Variants in SASH1 observed in about 807,000 individuals in gnomAD.
The protein encoded by SASH1 is SAM and SH3 domain-containing protein 1.
In SASH1, 44 loss-of-function variants were observed where a neutral mutation model predicts 125.2. That is an observed-to-expected ratio of 0.35 (90% confidence interval 0.28 to 0.45). The LOEUF (loss-of-function observed/expected upper bound fraction) is 0.45, where lower values mean the gene tolerates loss of function less well. SASH1 is among the 20% of genes least tolerant of loss of function. SASH1 has a pLI of 1.00. For missense variants in SASH1, 1,426 were observed against 1,614.5 expected (o/e 0.88, Z 2.00); for synonymous variants, 639 against 649.1 (o/e 0.98, Z 0.24).
intron 4 of SASH1, among the ~76,000 whole-genome samples, chr6:148,468,044 C>T (rs983966035): frequency 6.6e-6 from 1 of 152,228 alleles, no homozygotes; most frequent in Non-Finnish European, 1.5e-5. Flanking sequence ...TGTGTACTGG[C>T]CGCCCCCTTT....
intron 1 of SASH1, among the ~76,000 whole-genome samples, chr6:148,308,266 T>C (rs1478293373): frequency 6.9e-6 from 1 of 143,996 alleles, no homozygotes; most frequent in Non-Finnish European, 1.5e-5. Flanking sequence ...TAAAAAGATA[T>C]TAAATCCGCC....
intron 1 of SASH1, among the ~76,000 whole-genome samples, chr6:148,308,881 C>T (rs1446390087): frequency 4.7e-5 from 7 of 150,520 alleles, no homozygotes; most frequent in Admixed American, 1.3e-4. Context: ...GTCAGGAGTT[C>T]GAGACCAGCC....
intron 1 of SASH1, among the ~76,000 whole-genome samples, chr6:148,285,382 T>G (rs1779455578): frequency 6.6e-6 from 1 of 152,198 alleles, no homozygotes; most frequent in African/African-American, 2.4e-5. Context: ...TGGCGTGTGT[T>G]AATCGAGATA....
the SASH1 span, among the ~76,000 whole-genome samples, chr6:148,229,674 A>G: frequency 6.6e-6 from 1 of 150,990 alleles, no homozygotes; most frequent in Non-Finnish European, 1.5e-5. Flanking sequence ...CTTCTCATAT[A>G]TTCACAAAGT....
At chr6:148,467,451 A>C (rs1237337214) in intron 4 of SASH1, among the ~76,000 whole-genome samples, 1 of 152,038 alleles carries the variant, frequency 6.6e-6, no homozygotes, top group Non-Finnish European at 1.5e-5. Context: ...TGCTTAATGA[A>C]CTGGTTTTGG....
chr6:148,348,922 C>T (rs1190565288), intron 1 of SASH1, among the ~76,000 whole-genome samples: 4 of 152,358 alleles, frequency 2.6e-5, no homozygotes, highest in South Asian at 2.1e-4. Context: ...GCCCCGAAGG[C>T]GGTAGGATCC....
chr6:148,477,688 G>A (rs977413570), intron 7 of SASH1, among the ~76,000 whole-genome samples: 5 of 140,036 alleles, frequency 3.6e-5, no homozygotes, highest in Non-Finnish European at 7.6e-5. Context: ...ACCACACCTG[G>A]CTAATTTTTT....
At chr6:148,289,509 G>GA (rs1221840224) in intron 1 of SASH1, among the ~76,000 whole-genome samples, 4 of 152,206 alleles carry the variant, frequency 2.6e-5, no homozygotes, top group African/African-American at 9.6e-5. Flanking sequence ...CGCATCTCTG[G>GA]TGGATTTGTC....
rs140943761 is a variant in SASH1 at position 148,476,110 on chromosome 6, T to C, written c.627+1888T>C. On this transcript the variant is annotated intron_variant, in intron 7 of 19. Transcript: ENST00000367467. The stretch of plus-strand genomic sequence containing the variant: ...AGTTGCAGGCTACAAAATCAACACA[T>C]ACATTTCTGTGTATGTGTTCAGCAA... Among the ~76,000 whole-genome samples the C allele has an allele frequency of 1.9e-3, 288 of 152,074 alleles. 3 individuals are homozygous for C. Among genetic ancestry groups the C allele is most frequent in the African/African-American group, 6.6e-3 (273 of 41,504 alleles).
chr6:148,373,113 C>G (rs1782761593), intron 1 of SASH1, among the ~76,000 whole-genome samples: 1 of 152,022 alleles, frequency 6.6e-6, no homozygotes, highest in Non-Finnish European at 1.5e-5. Context: ...ATTGCTTGAA[C>G]CTGGGAGGCA....
At chr6:148,370,402 A>G (rs780054168) in intron 1 of SASH1, among the ~76,000 whole-genome samples, 4 of 152,208 alleles carry the variant, frequency 2.6e-5, no homozygotes, top group Non-Finnish European at 4.4e-5. Context: ...AGTCATCCCT[A>G]TGTTAACACA....
intron 9 of SASH1, among the ~76,000 whole-genome samples, chr6:148,515,704 C>A (rs1380558817): frequency 1.3e-5 from 2 of 152,172 alleles, no homozygotes; most frequent in South Asian, 4.1e-4. Context: ...GCCCGCCAGT[C>A]GTGAATTCCA....
Position 148,370,089 on chromosome 6 carries a change from C to T in SASH1, c.157-20045C>T, listed in dbSNP as rs567806883. On this transcript the variant is annotated intron_variant, in intron 1 of 19. Transcript: ENST00000367467. ...TTTGTTAATAACAAATAGCATTTTT[C>T]TCTTTTGTAAGTGGAAGGCAGAGGT... Among the ~76,000 whole-genome samples, 27 of 148,554 alleles carry T rather than the reference C, an allele frequency of 1.8e-4. No individual in the cohort carries two copies. The South Asian group carries it at 5.8e-3, about 32-fold the overall frequency.
At chr6:148,429,385 T>TAAAAAAAAA (rs61460366) in intron 2 of SASH1, among the ~76,000 whole-genome samples, 27 of 73,944 alleles carry the variant, frequency 3.7e-4, no homozygotes, top group East Asian at 8.7e-4. Context: ...CCCTGTCTCT[T>TAAAAAAAAA]AAAAAAAAAA....
intron 2 of SASH1, among the ~76,000 whole-genome samples, chr6:148,433,681 C>A (rs1192082815): frequency 6.6e-6 from 1 of 151,954 alleles, no homozygotes; most frequent in African/African-American, 2.4e-5. Flanking sequence ...TGGTGAGCCA[C>A]CATGCCCGGC....
chr6:148,457,334 G>A (rs1393970421), intron 4 of SASH1, among the ~76,000 whole-genome samples: 2 of 151,844 alleles, frequency 1.3e-5, no homozygotes, highest in Non-Finnish European at 2.9e-5. Flanking sequence ...TTTGGCTTTC[G>A]GCTCACAGTA....
intron 1 of SASH1, among the ~76,000 whole-genome samples, chr6:148,320,218 C>A (rs1371925916): frequency 6.6e-6 from 1 of 152,142 alleles, no homozygotes; most frequent in Non-Finnish European, 1.5e-5. Context: ...GGAATCTATC[C>A]CCTAAGGATA....
intron 1 of SASH1, among the ~76,000 whole-genome samples, chr6:148,382,239 A>G (rs972427910): frequency 1.4e-4 from 22 of 152,110 alleles, no homozygotes; most frequent in Admixed American, 1.4e-3. Context: ...TGAACCCACA[A>G]CAGCTCCAGA....
chr6:148,318,265 G>A (rs1236102075), intron 1 of SASH1, among the ~76,000 whole-genome samples: 1 of 152,124 alleles, frequency 6.6e-6, no homozygotes, highest in Non-Finnish European at 1.5e-5. Flanking sequence ...TGAATAGGTA[G>A]CATTACAAAA....
Sources: allele counts gnomAD v4.1 joint callset (sites outside exome capture counted in the v4.1 genomes callset), GRCh38; gene constraint gnomAD v4.1.1; transcripts MANE v1.5; gene names NCBI Gene and HGNC (gene_info 2026-07-23, HGNC 2026-07-21).